COMMD1: variants seen among roughly 807,000 people sequenced by gnomAD.
The protein encoded by COMMD1 is COMM domain-containing protein 1.
COMMD1 carries 10 observed loss-of-function variants against 17.2 expected under a neutral mutation model. The observed-to-expected ratio is 0.58, with a 90% CI of 0.36 to 0.99. The LOEUF is 0.99. Ranked by LOEUF, COMMD1 falls within the 50% of genes least tolerant of loss-of-function variation. The pLI is 0.01. For missense variants in COMMD1, 270 were observed against 231.8 expected (o/e 1.17, Z -1.07); for synonymous variants, 97 against 91.6 (o/e 1.06, Z -0.34).
chr2:62,116,537 A>C (rs1260826061), intron 2 of COMMD1, among the ~76,000 whole-genome samples: 1 of 151,742 alleles, frequency 6.6e-6, no homozygotes, highest in Non-Finnish European at 1.5e-5. Context: ...TCGGGCGTGG[A>C]GGCATGCGCC....
chr2:62,042,586 G>A (rs971978893), intron 2 of COMMD1, among the ~76,000 whole-genome samples: 1 of 152,118 alleles, frequency 6.6e-6, no homozygotes, highest in African/African-American at 2.4e-5. Flanking sequence ...CGCAGCCCCG[G>A]CTCCCGCCCG....
chr2:61,888,647 G>A (rs930687225), upstream of COMMD1: 5 of 983,118 alleles, frequency 5.1e-6, no homozygotes, highest in Non-Finnish European at 7.2e-6. Flanking sequence ...AGGAGGCGGA[G>A]GCGGAGAAGG....
intron 1 of COMMD1, among the ~76,000 whole-genome samples, chr2:61,923,558 GAAC>G (rs1319051101): frequency 6.6e-6 from 1 of 151,950 alleles, no homozygotes; most frequent in African/African-American, 2.4e-5. Flanking sequence ...TATATAGGAA[GAAC>G]AACATTAAGA....
intron 2 of COMMD1, among the ~76,000 whole-genome samples, chr2:62,103,746 A>G (rs1424582026): frequency 6.6e-6 from 1 of 152,230 alleles, no homozygotes; most frequent in Non-Finnish European, 1.5e-5. Context: ...GCTTCTTTAT[A>G]CATGTTTCCT....
At chr2:61,937,267 C>A (rs1199638102) in intron 1 of COMMD1, among the ~76,000 whole-genome samples, 1 of 152,168 alleles carries the variant, frequency 6.6e-6, no homozygotes, top group African/African-American at 2.4e-5. Context: ...CTGAACCAGT[C>A]TTTCTGGTTA....
At chr2:62,038,976 T>C (rs1223938525) in intron 2 of COMMD1, among the ~76,000 whole-genome samples, 1 of 152,218 alleles carries the variant, frequency 6.6e-6, no homozygotes, top group Non-Finnish European at 1.5e-5. Flanking sequence ...TTTGAAAAAC[T>C]TATATTGATT....
At chr2:62,023,107 T>G (rs1180257513) in intron 2 of COMMD1, among the ~76,000 whole-genome samples, 1 of 151,962 alleles carries the variant, frequency 6.6e-6, no homozygotes, top group East Asian at 1.9e-4. Flanking sequence ...ATGCCTGTAA[T>G]CCCAGCTATT....
intron 1 of COMMD1, among the ~76,000 whole-genome samples, chr2:61,944,996 C>G (rs956833234): frequency 1.4e-4 from 21 of 152,076 alleles, no homozygotes; most frequent in African/African-American, 1.4e-4. Context: ...GCCTTGTTCC[C>G]CATAATTGGA....
chr2:61,989,463 A>ATTTT (rs1238326375), intron 1 of COMMD1, among the ~76,000 whole-genome samples: 1 of 137,354 alleles, frequency 7.3e-6, no homozygotes, highest in African/African-American at 2.7e-5. Context: ...GCAAATATTG[A>ATTTT]TTTTTTTTTT....
intron 2 of COMMD1, among the ~76,000 whole-genome samples, chr2:62,056,205 A>G (rs1052875161): frequency 2.6e-5 from 4 of 152,326 alleles, no homozygotes; most frequent in South Asian, 4.1e-4. Flanking sequence ...TAGCTGAAAA[A>G]TGTCACCTGA....
intron 2 of COMMD1, among the ~76,000 whole-genome samples, chr2:62,055,059 A>G (rs1007555435): frequency 6.6e-6 from 1 of 152,230 alleles, no homozygotes; most frequent in Non-Finnish European, 1.5e-5. Flanking sequence ...CACAGAGACC[A>G]TAATCAGTTG....
intron 1 of COMMD1, among the ~76,000 whole-genome samples, chr2:61,917,211 G>A (rs1385822314): frequency 6.6e-6 from 1 of 152,018 alleles, no homozygotes; most frequent in East Asian, 1.9e-4. Flanking sequence ...AAAAAAATTA[G>A]CCGGGTATGG....
At chr2:61,912,618 C>A (rs1669932667) in intron 1 of COMMD1, among the ~76,000 whole-genome samples, 1 of 151,974 alleles carries the variant, frequency 6.6e-6, no homozygotes. Flanking sequence ...GCTTGTAGTC[C>A]CAGCTACTCA....
intron 1 of COMMD1, among the ~76,000 whole-genome samples, chr2:61,962,187 A>C (rs1671359118): frequency 6.6e-6 from 1 of 152,044 alleles, no homozygotes; most frequent in Non-Finnish European, 1.5e-5. Context: ...TGTTAAGTTT[A>C]TTTTCCTGGT....
chr2:61,946,724 A>G (rs1670916860), intron 1 of COMMD1, among the ~76,000 whole-genome samples: 1 of 152,198 alleles, frequency 6.6e-6, no homozygotes, highest in Non-Finnish European at 1.5e-5. Context: ...ATTCAGTCTT[A>G]GCCAGCTCGA....
At chr2:62,067,890 G>C (rs1182560658) in intron 2 of COMMD1, among the ~76,000 whole-genome samples, 1 of 152,158 alleles carries the variant, frequency 6.6e-6, no homozygotes, top group Non-Finnish European at 1.5e-5. Context: ...GCCGTATTTT[G>C]AGGTACAGTG....
In COMMD1 at chr2:61,919,160, C is replaced by A. The variant is rs189502629; in HGVS notation, c.180+13302C>A. Among the ~76,000 whole-genome samples, 1,216 of 152,130 alleles carry A rather than the reference C, an allele frequency of 8.0e-3. 7 individuals carry two copies. Among genetic ancestry groups the A allele is most frequent in the Non-Finnish European group, 0.014 (956 of 67,986 alleles). ...CCGTGTAGCTGGGATTACAGGCATG[C>A]GCCACCATGCCCAGCTAATTTTGGA... On this transcript the variant is annotated intron_variant, in intron 1 of 2. Transcript: ENST00000311832.
intron 2 of COMMD1, among the ~76,000 whole-genome samples, chr2:62,029,011 C>T (rs987541921): frequency 6.6e-6 from 1 of 152,056 alleles, no homozygotes; most frequent in African/African-American, 2.4e-5. Context: ...GGTTGACTCT[C>T]CAAAGGGATG....
intron 2 of COMMD1, among the ~76,000 whole-genome samples, chr2:62,064,534 T>C (rs1009197421): frequency 2.0e-5 from 3 of 152,188 alleles, no homozygotes; most frequent in Non-Finnish European, 4.4e-5. Flanking sequence ...TGTGATCTCT[T>C]TGTTATCTTC....
Sources: allele counts gnomAD v4.1 joint callset (sites outside exome capture counted in the v4.1 genomes callset), GRCh38; gene constraint gnomAD v4.1.1; transcripts MANE v1.5; gene names NCBI Gene and HGNC (gene_info 2026-07-23, HGNC 2026-07-21).